The following LRRTM4 variants were observed in gnomAD, a reference collection of about 807,000 sequenced individuals.
LRRTM4 encodes the protein leucine rich repeat transmembrane neuronal 4, also known as leucine-rich repeat transmembrane neuronal protein 4.
A neutral mutation model predicts 47.6 loss-of-function variants in LRRTM4; 25 were observed. The ratio of observed to expected loss-of-function variants is 0.53; its 90% CI spans 0.38 to 0.73. The LOEUF (loss-of-function observed/expected upper bound fraction) is 0.73, where lower values mean the gene tolerates loss of function less well. Ranked by LOEUF, LRRTM4 falls within the 30% of genes least tolerant of loss-of-function variation. The pLI is 0.00. For synonymous variants in LRRTM4, 311 were observed against 269.5 expected (o/e 1.15, Z -1.51); for missense variants, 638 against 713.4 (o/e 0.89, Z 1.20).
chr2:77,325,168 G>A (rs764700020), intron 3 of LRRTM4, among the ~76,000 whole-genome samples: 10 of 152,056 alleles, frequency 6.6e-5, no homozygotes, highest in Admixed American at 5.2e-4. Flanking sequence ...TAATGAAATC[G>A]CCAAAGGACT....
chr2:76,753,022 A>G (rs1672904110), intron 3 of LRRTM4, among the ~76,000 whole-genome samples: 1 of 152,198 alleles, frequency 6.6e-6, no homozygotes, highest in Non-Finnish European at 1.5e-5. Context: ...TAAAAATCAC[A>G]TAGAGAAATA....
intron 3 of LRRTM4, among the ~76,000 whole-genome samples, chr2:76,854,407 A>C (rs1672087287): frequency 6.6e-6 from 1 of 152,122 alleles, no homozygotes; most frequent in Admixed American, 6.6e-5. Flanking sequence ...CTGAGGTGGT[A>C]GTCATCTTTC....
At chr2:76,920,993 TTTCA>T (rs537349342) in intron 3 of LRRTM4, among the ~76,000 whole-genome samples, 270 of 152,246 alleles carry the variant, frequency 1.8e-3, no homozygotes, top group African/African-American at 6.4e-3. Flanking sequence ...TTTTATTATC[TTTCA>T]TTGGAATGGT....
chr2:77,464,636 T>C (rs994332711), intron 3 of LRRTM4, among the ~76,000 whole-genome samples: 1 of 152,136 alleles, frequency 6.6e-6, no homozygotes, highest in Non-Finnish European at 1.5e-5. Context: ...CTCTCAGTTA[T>C]GAACTGGTCT....
chr2:76,932,579 C>T (rs1196812095), intron 3 of LRRTM4, among the ~76,000 whole-genome samples: 1 of 151,908 alleles, frequency 6.6e-6, no homozygotes, highest in Non-Finnish European at 1.5e-5. Context: ...GTACTCTGAA[C>T]CTATGTTTCA....
intron 3 of LRRTM4, among the ~76,000 whole-genome samples, chr2:77,343,224 G>A (rs574428693): frequency 7.9e-5 from 12 of 151,902 alleles, no homozygotes; most frequent in South Asian, 4.1e-4. Context: ...ATTTTTTTCC[G>A]TAGAAAATGG....
At chr2:77,313,269 G>A (rs530178480) in intron 3 of LRRTM4, among the ~76,000 whole-genome samples, 2 of 149,564 alleles carry the variant, frequency 1.3e-5, no homozygotes, top group East Asian at 4.1e-4. Flanking sequence ...CCTGAGGCCT[G>A]TTGCTGGGAT....
chr2:77,416,290 C>T (rs978340647), intron 3 of LRRTM4, among the ~76,000 whole-genome samples: 1 of 151,920 alleles, frequency 6.6e-6, no homozygotes, highest in African/African-American at 2.4e-5. Context: ...ATTTTGTAGG[C>T]TCATAAGGAG....
At chr2:77,450,634 A>G (rs184557684) in intron 3 of LRRTM4, among the ~76,000 whole-genome samples, 46 of 152,230 alleles carry the variant, frequency 3.0e-4, no homozygotes, top group Middle Eastern at 6.8e-3. Flanking sequence ...AGTTGAAACA[A>G]TACCCAAGAA....
chr2:76,795,594 C>T (rs74336205), intron 3 of LRRTM4, among the ~76,000 whole-genome samples: 7 of 151,598 alleles, frequency 4.6e-5, no homozygotes, highest in African/African-American at 1.5e-4. Flanking sequence ...CACACACATA[C>T]ACACACACTA....
intron 3 of LRRTM4, among the ~76,000 whole-genome samples, chr2:77,174,426 G>A (rs1007745937): frequency 6.6e-6 from 1 of 152,188 alleles, no homozygotes; most frequent in Non-Finnish European, 1.5e-5. Flanking sequence ...CTTTGAGACA[G>A]CACAGGTGTA....
chr2:76,960,564 CAAAT>C (rs78348029), intron 3 of LRRTM4, among the ~76,000 whole-genome samples: 19,890 of 151,352 alleles, frequency 0.13, 1,653 homozygotes, highest in Admixed American at 0.21. Context: ...ATCTTCAACT[CAAAT>C]ACTCAATTTA....
At chr2:76,767,370 T>G (rs1023654105) in intron 3 of LRRTM4, among the ~76,000 whole-genome samples, 2 of 152,232 alleles carry the variant, frequency 1.3e-5, no homozygotes, top group African/African-American at 2.4e-5. Context: ...TTTATGTGAA[T>G]TGAAAACTCA....
chr2:77,358,651 G>A (rs565941544), intron 3 of LRRTM4, among the ~76,000 whole-genome samples: 1 of 152,258 alleles, frequency 6.6e-6, no homozygotes, highest in East Asian at 1.9e-4. Flanking sequence ...TATGAACTCT[G>A]AATGTACAAT....
At chr2:77,325,736 G>A (rs1434970353) in intron 3 of LRRTM4, among the ~76,000 whole-genome samples, 3 of 152,076 alleles carry the variant, frequency 2.0e-5, no homozygotes, top group African/African-American at 4.8e-5. Context: ...TTTGTACTAT[G>A]TATCGGAAAA....
At chr2:77,044,962 CAT>C (rs959543691) in intron 3 of LRRTM4, among the ~76,000 whole-genome samples, 15 of 151,738 alleles carry the variant, frequency 9.9e-5, no homozygotes, top group African/African-American at 2.2e-4. Flanking sequence ...ACAAATGAGA[CAT>C]ATATCTGGGT....
chr2:77,450,283 A>G (rs965308125), intron 3 of LRRTM4, among the ~76,000 whole-genome samples: 6 of 149,874 alleles, frequency 4.0e-5, no homozygotes, highest in African/African-American at 1.2e-4. Context: ...TCTCTCTGTC[A>G]TGCACACACA....
At chr2:77,154,323 G>C (rs909898436) in intron 3 of LRRTM4, among the ~76,000 whole-genome samples, 2 of 152,102 alleles carry the variant, frequency 1.3e-5, no homozygotes, top group South Asian at 4.1e-4. Flanking sequence ...ACTCAATAAA[G>C]AGAAGAATTT....
At chr2:76,871,548 C>A (rs1573237004) in intron 3 of LRRTM4, among the ~76,000 whole-genome samples, 1 of 152,226 alleles carries the variant, frequency 6.6e-6, no homozygotes, top group African/African-American at 2.4e-5. Flanking sequence ...AAAACCTGTA[C>A]ATTTGTATGG....
Sources: gnomAD v4.1 joint callset for allele counts (sites outside exome capture counted in the v4.1 genomes callset) on GRCh38, gnomAD v4.1.1 for gene constraint, MANE v1.5 for transcripts, NCBI Gene and HGNC (gene_info 2026-07-23, HGNC 2026-07-21) for gene names.